SLC13A1: variants seen among roughly 807,000 people sequenced by gnomAD.
The protein encoded by SLC13A1 is solute carrier family 13 member 1, also known as Na(+)/sulfate cotransporter.
A neutral mutation model predicts 70.0 loss-of-function variants in SLC13A1; 65 were observed. The ratio of observed to expected loss-of-function variants is 0.93; its 90% CI spans 0.76 to 1.14. SLC13A1 has a LOEUF of 1.14. Ranked by LOEUF, SLC13A1 falls within the 50% of genes most tolerant of loss-of-function variation. The pLI, the probability that SLC13A1 is intolerant of heterozygous loss-of-function variation, is 0.00. For missense variants in SLC13A1, 726 were observed against 717.8 expected (o/e 1.01, Z -0.13); for synonymous variants, 275 against 250.5 (o/e 1.10, Z -0.92).
intron 2 of SLC13A1, among the ~76,000 whole-genome samples, chr7:123,173,337 A>T (rs2116572495): frequency 6.6e-6 from 1 of 152,296 alleles, no homozygotes; most frequent in African/African-American, 2.4e-5. Flanking sequence ...ATTTTATAAA[A>T]TGTTCATTTA....
At chr7:123,188,890 C>T (rs1241411800) in intron 1 of SLC13A1, among the ~76,000 whole-genome samples, 1 of 151,590 alleles carries the variant, frequency 6.6e-6, no homozygotes, top group Non-Finnish European at 1.5e-5. Flanking sequence ...CCGAGGCGGG[C>T]GGATCACGAG....
chr7:123,175,595 C>T (rs2116585065), intron 2 of SLC13A1, among the ~76,000 whole-genome samples: 1 of 152,176 alleles, frequency 6.6e-6, no homozygotes, highest in East Asian at 1.9e-4. Flanking sequence ...AGCAAGATGC[C>T]ATCTATGGAG....
intron 1 of SLC13A1, among the ~76,000 whole-genome samples, chr7:123,196,676 C>T (rs1796195786): frequency 6.6e-6 from 1 of 152,078 alleles, no homozygotes; most frequent in South Asian, 2.1e-4. Context: ...GTTAGAATCA[C>T]TGCAACTTTC....
intron 7 of SLC13A1, among the ~76,000 whole-genome samples, chr7:123,144,581 C>T (rs1794284517): frequency 6.6e-6 from 1 of 152,128 alleles, no homozygotes; most frequent in Non-Finnish European, 1.5e-5. Context: ...ACCATTACAT[C>T]CTCAATTTTA....
At chr7:123,173,743 G>T (rs993043699) in intron 2 of SLC13A1, among the ~76,000 whole-genome samples, 1 of 151,996 alleles carries the variant, frequency 6.6e-6, no homozygotes, top group South Asian at 2.1e-4. Flanking sequence ...TAACCATCAC[G>T]TATTTTGCAC....
chr7:123,150,792 A>ATT (rs1794527945), intron 6 of SLC13A1, among the ~76,000 whole-genome samples: 3 of 151,856 alleles, frequency 2.0e-5, no homozygotes, highest in Admixed American at 1.3e-4. Context: ...CACTCTTTGG[A>ATT]TTTTTCTATC....
At chr7:123,190,192 C>G (rs963834979) in intron 1 of SLC13A1, among the ~76,000 whole-genome samples, 3 of 151,982 alleles carry the variant, frequency 2.0e-5, no homozygotes, top group African/African-American at 7.3e-5. Flanking sequence ...AAGAGACATA[C>G]CCTGGTTATA....
intron 6 of SLC13A1, among the ~76,000 whole-genome samples, chr7:123,158,999 A>G (rs1456945650): frequency 6.6e-6 from 1 of 152,088 alleles, no homozygotes; most frequent in African/African-American, 2.4e-5. Flanking sequence ...GTGAACAAAG[A>G]TATTAATAAA....
chr7:123,162,626 C>G (rs1349716624), intron 6 of SLC13A1, among the ~76,000 whole-genome samples: 1 of 152,010 alleles, frequency 6.6e-6, no homozygotes, highest in Non-Finnish European at 1.5e-5. Context: ...GTTACGTGAT[C>G]TAAGCTAAAA....
In SLC13A1 at chr7:123,115,464, A is replaced by T. The variant is rs1793147602; in HGVS notation, c.*54T>A. 6.4e-7 allele frequency: 1 copy of T among 1,565,658 alleles called. No individual in the cohort carries two copies. Among genetic ancestry groups the T allele is most frequent in the African/African-American group, 1.4e-5 (1 of 73,954 alleles). On this transcript the variant is annotated 3_prime_UTR_variant, in exon 15 of 15. Coordinates refer to ENST00000194130, the MANE Select transcript of SLC13A1 (RefSeq NM_022444.4). ...TTATTTAGAGCCACATTTTACAGTC[A>T]ATCATTAATGTCTTCCAGAAATTAC...
At chr7:123,180,590 A>G (rs965589949) in intron 2 of SLC13A1, among the ~76,000 whole-genome samples, 2 of 152,190 alleles carry the variant, frequency 1.3e-5, no homozygotes, top group South Asian at 2.1e-4. Context: ...AAATGAAAAC[A>G]GGGAAACTTT....
At chr7:123,125,013 C>T (rs1170472898) in intron 11 of SLC13A1, among the ~76,000 whole-genome samples, 1 of 151,952 alleles carries the variant, frequency 6.6e-6, no homozygotes, top group Non-Finnish European at 1.5e-5. Flanking sequence ...AACTACTGGC[C>T]TCAAGTGATC....
intron 6 of SLC13A1, among the ~76,000 whole-genome samples, chr7:123,167,805 G>A (rs527956974): frequency 7.2e-5 from 11 of 151,960 alleles, no homozygotes; most frequent in African/African-American, 2.2e-4. Flanking sequence ...TAAAGATAAC[G>A]AGTTGTAATT....
At chr7:123,115,732 A>G in intron 14 of SLC13A1, 77 bp from the exon 15 acceptor site, 1 of 1,448,162 alleles carries the variant, frequency 6.9e-7, no homozygotes, top group Non-Finnish European at 9.5e-7. Context: ...TGTAGGATGT[A>G]TATGCCAAAT....
intron 14 of SLC13A1, among the ~76,000 whole-genome samples, 185 bp downstream of exon 14, chr7:123,117,286 G>C (rs1166187015): frequency 6.6e-6 from 1 of 152,046 alleles, no homozygotes; most frequent in Non-Finnish European, 1.5e-5. Context: ...TTAATGGCAT[G>C]TTCACTTCTG....
rs548217210 is a variant in SLC13A1 at position 123,160,163 on chromosome 7, C to T, written c.660+8211G>A. ...CTGGGCACCTGTAATCCCAGCTACT[C>T]AGGAGGCTGAGGCAGGAGAATCGCT... On this transcript the variant is annotated intron_variant, in intron 6 of 14. Transcript: ENST00000194130. 4.6e-5 allele frequency among the ~76,000 whole-genome samples: 7 copies of T among 151,294 alleles called. No individual in the cohort carries two copies. In the South Asian group the frequency reaches 1.5e-3, roughly 32 times the overall value.
chr7:123,116,742 A>C (rs1011567790), intron 14 of SLC13A1, among the ~76,000 whole-genome samples: 3 of 152,190 alleles, frequency 2.0e-5, no homozygotes, highest in Non-Finnish European at 2.9e-5. Context: ...TCTGTGTGAA[A>C]GAAAGGGAGC....
chr7:123,177,604 T>C (rs933537573), intron 2 of SLC13A1, among the ~76,000 whole-genome samples: 2 of 152,112 alleles, frequency 1.3e-5, no homozygotes, highest in South Asian at 4.1e-4. Flanking sequence ...CCAATTACAC[T>C]GCAGATATAC....
chr7:123,151,268 G>A (rs1021655757), intron 6 of SLC13A1, among the ~76,000 whole-genome samples: 27 of 151,956 alleles, frequency 1.8e-4, no homozygotes, highest in African/African-American at 6.5e-4. Flanking sequence ...AGGTTGCAGT[G>A]AGTCAAGATT....
Sources: gnomAD v4.1 joint callset for allele counts (sites outside exome capture counted in the v4.1 genomes callset) on GRCh38, gnomAD v4.1.1 for gene constraint, MANE v1.5 for transcripts, NCBI Gene and HGNC (gene_info 2026-07-23, HGNC 2026-07-21) for gene names.